PTPRT: variants seen among roughly 807,000 people sequenced by gnomAD.
PTPRT encodes protein tyrosine phosphatase receptor type T, also known as receptor-type tyrosine-protein phosphatase T.
A neutral mutation model predicts 176.8 loss-of-function variants in PTPRT; 56 were observed. The ratio of observed to expected loss-of-function variants is 0.32; its 90% CI spans 0.26 to 0.40. The LOEUF is 0.40. PTPRT is among the 10% of genes least tolerant of loss of function. PTPRT has a pLI of 1.00. For missense variants in PTPRT, 1,540 were observed against 1,908.2 expected, an observed-to-expected ratio of 0.81 and a Z score of 3.60; for synonymous variants, 783 against 739.0, an observed-to-expected ratio of 1.06 and a Z score of -0.96.
At chr20:43,169,562 G>A (rs1366984124) in intron 1 of PTPRT, among the ~76,000 whole-genome samples, 6 of 152,182 alleles carry the variant, frequency 3.9e-5, no homozygotes, top group Non-Finnish European at 7.3e-5. Flanking sequence ...ATTTCAATTC[G>A]AATTTCTCAA....
chr20:42,472,588 AG>A (rs780009500), intron 7 of PTPRT, 26 bp from the exon 8 acceptor site: 6 of 1,603,012 alleles, frequency 3.7e-6, no homozygotes, highest in African/African-American at 1.3e-5. Flanking sequence ...GCAAGAAACA[AG>A]GGTTCTGAAG....
At chr20:43,130,544 T>A (rs2013612612) in intron 1 of PTPRT, among the ~76,000 whole-genome samples, 1 of 152,082 alleles carries the variant, frequency 6.6e-6, no homozygotes, top group Admixed American at 6.6e-5. Context: ...GACTTCTGAA[T>A]AGATTCAATC....
At chr20:42,451,388 C>T (rs749870713) in intron 8 of PTPRT, among the ~76,000 whole-genome samples, 17 of 152,026 alleles carry the variant, frequency 1.1e-4, no homozygotes, top group Non-Finnish European at 2.5e-4. Context: ...TACTTTATTT[C>T]AGGTATACAT....
At chr20:42,965,293 C>T (rs1016494401) in intron 1 of PTPRT, among the ~76,000 whole-genome samples, 2 of 152,112 alleles carry the variant, frequency 1.3e-5, no homozygotes, top group Non-Finnish European at 1.5e-5. Flanking sequence ...AATAATGCCA[C>T]GATGACCTAC....
chr20:42,043,365 C>T, the PTPRT span, among the ~76,000 whole-genome samples: 1 of 152,144 alleles, frequency 6.6e-6, no homozygotes, highest in Non-Finnish European at 1.5e-5. Flanking sequence ...CTTCTTTCTC[C>T]TGATGGATAT....
At chr20:42,856,097 C>G (rs2078558435) in intron 2 of PTPRT, among the ~76,000 whole-genome samples, 1 of 152,150 alleles carries the variant, frequency 6.6e-6, no homozygotes, top group Non-Finnish European at 1.5e-5. Flanking sequence ...GGGGACCACC[C>G]ACCCCAGGAA....
At chr20:42,696,807 T>C (rs1480652492) in intron 6 of PTPRT, among the ~76,000 whole-genome samples, 6 of 152,104 alleles carry the variant, frequency 3.9e-5, no homozygotes, top group Non-Finnish European at 8.8e-5. Context: ...CTCTGCGAGC[T>C]TGGGAGCAGA....
At chr20:43,156,129 C>T (rs1030274205) in intron 1 of PTPRT, among the ~76,000 whole-genome samples, 1 of 152,092 alleles carries the variant, frequency 6.6e-6, no homozygotes, top group Non-Finnish European at 1.5e-5. Context: ...CTGGGAGGAA[C>T]CTTGTTTGGG....
intron 15 of PTPRT, among the ~76,000 whole-genome samples, chr20:42,205,463 A>G (rs530682144): frequency 6.6e-6 from 1 of 152,192 alleles, no homozygotes; most frequent in Non-Finnish European, 1.5e-5. Flanking sequence ...GGCTTTTGCA[A>G]GTACTCAGCT....
intron 6 of PTPRT, among the ~76,000 whole-genome samples, chr20:42,734,704 G>A (rs1482795050): frequency 6.6e-6 from 1 of 152,180 alleles, no homozygotes; most frequent in Non-Finnish European, 1.5e-5. Flanking sequence ...CTTGTTTCTT[G>A]TTCTCAGTTA....
intron 1 of PTPRT, among the ~76,000 whole-genome samples, chr20:43,024,398 G>A (rs1030821877): frequency 2.6e-5 from 4 of 152,024 alleles, no homozygotes; most frequent in Non-Finnish European, 4.4e-5. Flanking sequence ...AGACCAGCCT[G>A]GCCAGCATGG....
At chr20:42,819,476 T>C (rs1011021267) in intron 2 of PTPRT, among the ~76,000 whole-genome samples, 3 of 152,090 alleles carry the variant, frequency 2.0e-5, no homozygotes, top group African/African-American at 7.2e-5. Context: ...AATGAAACTA[T>C]GGAGGAACTG....
chr20:42,803,572 GAGA>G (rs1300745403), intron 2 of PTPRT, among the ~76,000 whole-genome samples: 3 of 152,148 alleles, frequency 2.0e-5, no homozygotes, highest in Non-Finnish European at 4.4e-5. Context: ...TTTATTTTTT[GAGA>G]AGGAGTCTCG....
At chr20:42,397,783 T>G (rs1191579008) in intron 9 of PTPRT, among the ~76,000 whole-genome samples, 1 of 152,204 alleles carries the variant, frequency 6.6e-6, no homozygotes, top group Non-Finnish European at 1.5e-5. Flanking sequence ...CAGAATGATT[T>G]ATTTTCCTTT....
chr20:42,195,818 GCA>G (rs1195917256), intron 16 of PTPRT, among the ~76,000 whole-genome samples: 1 of 151,954 alleles, frequency 6.6e-6, no homozygotes. Context: ...AAACACATAT[GCA>G]CACACATACA....
chr20:42,550,095 T>A (rs1444059127), intron 7 of PTPRT, among the ~76,000 whole-genome samples: 4 of 152,184 alleles, frequency 2.6e-5, no homozygotes, highest in Admixed American at 2.6e-4. Context: ...CTGTATTGAA[T>A]AGCTATCGCT....
chr20:43,018,377 T>A (rs6030606), intron 1 of PTPRT, among the ~76,000 whole-genome samples: 93 of 152,278 alleles, frequency 6.1e-4, no homozygotes, highest in African/African-American at 2.2e-3. Flanking sequence ...ATGGATTAAG[T>A]AATTAAATGC....
At chr20:42,774,605 T>C (rs2077107319) in intron 4 of PTPRT, among the ~76,000 whole-genome samples, 1 of 152,218 alleles carries the variant, frequency 6.6e-6, no homozygotes, top group Non-Finnish European at 1.5e-5. Flanking sequence ...CTGCGGTCCC[T>C]GATATGTAGC....
At position 42,104,549 on chromosome 20, in the gene PTPRT, A is replaced by C; in HGVS notation, c.3540+20T>G. The C allele has an allele frequency of 1.9e-6, 3 of 1,603,922 alleles. No individual in the cohort carries two copies. Among genetic ancestry groups the C allele is most frequent in the Non-Finnish European group, 2.6e-6 (3 of 1,172,040 alleles). ...CCCAAACTGACTAAGATGGTCACCG[A>C]GCCTGGGATTTGCTCATACCTGAAA... On this transcript the variant is annotated intron_variant, in intron 25 of 30. Coordinates refer to ENST00000373187, the MANE Select transcript of PTPRT (RefSeq NM_007050.6).
Sources: allele counts gnomAD v4.1 joint callset (sites outside exome capture counted in the v4.1 genomes callset), GRCh38; gene constraint gnomAD v4.1.1; transcripts MANE v1.5; gene names NCBI Gene and HGNC (gene_info 2026-07-23, HGNC 2026-07-21).